SETD5: variants seen among roughly 807,000 people sequenced by gnomAD.
SETD5 encodes histone-lysine N-methyltransferase SETD5.
SETD5 carries 44 observed loss-of-function variants against 153.3 expected under a neutral mutation model. The ratio of observed to expected loss-of-function variants is 0.29; its 90% CI spans 0.23 to 0.37. SETD5 has a LOEUF of 0.37. Among genes scored for constraint, SETD5 ranks in the 10% least tolerant of loss-of-function variants. The pLI, the probability that SETD5 is intolerant of heterozygous loss-of-function variation, is 1.00. For missense variants in SETD5, 1,544 were observed against 1,768.0 expected, an observed-to-expected ratio of 0.87 and a Z score of 2.27; for synonymous variants, 716 against 645.2, an observed-to-expected ratio of 1.11 and a Z score of -1.66.
At chr3:9,455,864 C>T (rs2043174200) in intron 17 of SETD5, among the ~76,000 whole-genome samples, 1 of 152,124 alleles carries the variant, frequency 6.6e-6, no homozygotes, top group African/African-American at 2.4e-5. Flanking sequence ...TCCTAGTCAC[C>T]AGCCTTTTTT....
At chr3:9,416,836 A>G (rs1018544236) in intron 1 of SETD5, among the ~76,000 whole-genome samples, 2 of 152,194 alleles carry the variant, frequency 1.3e-5, no homozygotes, top group African/African-American at 4.8e-5. Flanking sequence ...GAGAGGTTAT[A>G]GATAAAATAA....
intron 20 of SETD5, 68 bp from the exon 21 acceptor site, chr3:9,474,381 A>G: frequency 1.3e-6 from 2 of 1,561,364 alleles, no homozygotes; most frequent in East Asian, 2.3e-5. Context: ...TACACTGTGC[A>G]CTGGTTAGGG....
At chr3:9,461,839 T>A (rs1042501379) in intron 17 of SETD5, among the ~76,000 whole-genome samples, 1 of 152,184 alleles carries the variant, frequency 6.6e-6, no homozygotes, top group Non-Finnish European at 1.5e-5. Flanking sequence ...TCTGTAAGAT[T>A]CCATTGTTTA....
At chr3:9,468,925 TAAAG>T (rs375863658) in intron 18 of SETD5, among the ~76,000 whole-genome samples, 50 of 152,266 alleles carry the variant, frequency 3.3e-4, no homozygotes, top group African/African-American at 1.1e-3. Flanking sequence ...GGAGCCTTGT[TAAAG>T]AAAGGCTAAT....
chr3:9,447,264 C>G lies in SETD5; in HGVS notation c.1739C>G (p.Pro580Arg). Reference protein sequence around the residue: ...SVSNVTIPSTPQSVGVNTRRS... With the variant: ...SVSNVTIPSTRQSVGVNTRRS... ...TCAAATGTTACCATCCCAAGCACCC[C>G]ACAGAGTGTTGGTGTGAATACCCGG... The change falls in exon 14 of 23, where the codon CCA (proline) becomes CGA (arginine). Residue 580 changes from proline to arginine, a missense_variant. Coordinates refer to ENST00000402198, the MANE Select transcript of SETD5 (RefSeq NM_001080517.3). 1 of 1,614,050 alleles carries G rather than the reference C, an allele frequency of 6.2e-7. No individual in the cohort carries two copies. The highest frequency in any genetic ancestry group is 8.5e-7 in the Non-Finnish European group (1 of 1,179,894).
chr3:9,433,415 G>T, intron 3 of SETD5: 1 of 1,289,900 alleles, frequency 7.8e-7, no homozygotes, highest in Non-Finnish European at 1.0e-6. Context: ...GGTCCCTGGG[G>T]CAGTGCAGAA....
intron 1 of SETD5, among the ~76,000 whole-genome samples, chr3:9,419,148 C>G (rs577054322): frequency 8.7e-4 from 132 of 152,268 alleles, no homozygotes; most frequent in Admixed American, 3.1e-3. Context: ...TTTTTCTCCC[C>G]CTTCATGGTT....
intron 17 of SETD5, among the ~76,000 whole-genome samples, chr3:9,461,758 T>G (rs1284853488): frequency 2.0e-5 from 3 of 152,226 alleles, no homozygotes; most frequent in Non-Finnish European, 4.4e-5. Flanking sequence ...ATAACTCCTT[T>G]CTACAACTAA....
At chr3:9,421,625 A>G (rs1214666600) in intron 1 of SETD5, among the ~76,000 whole-genome samples, 2 of 152,344 alleles carry the variant, frequency 1.3e-5, no homozygotes, top group South Asian at 2.1e-4. Context: ...TCGAAGAACT[A>G]TAGATGTATT....
intron 18 of SETD5, among the ~76,000 whole-genome samples, chr3:9,466,224 C>T (rs201609011): frequency 6.9e-6 from 1 of 144,472 alleles, no homozygotes; most frequent in Non-Finnish European, 1.5e-5. Flanking sequence ...GGAGGCGGAG[C>T]TTGCAGTGAG....
chr3:9,433,515 T>C, intron 3 of SETD5: 1 of 1,293,874 alleles, frequency 7.7e-7, no homozygotes, highest in South Asian at 1.2e-5. Context: ...GTTCTGAGTC[T>C]AAACCAGCCC....
In SETD5 at chr3:9,445,962, G is replaced by GTTTTTT. The variant is rs1432231015; in HGVS notation, c.1524+224_1524+225insTTTTTT. 1.3e-3 allele frequency among the ~76,000 whole-genome samples: 162 copies of GTTTTTT among 120,206 alleles called. 6 individuals carry two copies. The highest frequency in any genetic ancestry group is 4.9e-3 in the African/African-American group (141 of 28,606). 78.9% of individuals were successfully genotyped at this position (120,206 alleles called of 152,430 possible). A position where few individuals can be genotyped will look rare whatever the true frequency, so the allele number is the denominator to read the frequency against. ...TATTATCTAGTGATGGTTTGAAGAG[G>GTTTTTT]TTGTTTTTTTTTTTTTTTTTTTTTT... On this transcript the variant is annotated intron_variant, in intron 13 of 22. Coordinates refer to ENST00000402198, the MANE Select transcript of SETD5 (RefSeq NM_001080517.3).
At position 9,440,452 on chromosome 3, in the gene SETD5, A is replaced by G. The variant is rs2041140703; in HGVS notation, c.568-4A>G. ...ACTAACCTCCCTGAATTTGTTTTCT[A>G]CAGAATTCTCCCTCTGAAGCACAGA... On this transcript the variant is annotated splice_region_variant and splice_polypyrimidine_tract_variant and intron_variant, in intron 7 of 22. Transcript: ENST00000402198. The G allele has an allele frequency of 2.7e-6, 4 of 1,486,100 alleles. No homozygotes were observed. Among genetic ancestry groups the G allele is most frequent in the African/African-American group, 1.4e-5 (1 of 72,298 alleles). 92.1% of individuals were successfully genotyped at this position (1,486,100 alleles called of 1,614,324 possible).
chr3:9,459,049 G>C (rs557396110), intron 17 of SETD5, among the ~76,000 whole-genome samples: 131 of 152,010 alleles, frequency 8.6e-4, no homozygotes, highest in Non-Finnish European at 1.5e-3. Flanking sequence ...ACAAACTCTT[G>C]GAAAATATTT....
Position 9,445,965 on chromosome 3 carries a change from G to GTTTTTTTTTTTT in SETD5, c.1524+237_1524+248dup, listed in dbSNP as rs376821559. On this transcript the variant is annotated intron_variant, in intron 13 of 22. Coordinates refer to ENST00000402198, the MANE Select transcript of SETD5 (RefSeq NM_001080517.3). ...TATCTAGTGATGGTTTGAAGAGGTT[G>GTTTTTTTTTTTT]TTTTTTTTTTTTTTTTTTTTTTTAC... Among the ~76,000 whole-genome samples, 27 of 86,460 alleles carry GTTTTTTTTTTTT rather than the reference G, an allele frequency of 3.1e-4. 1 individual carries two copies. The highest frequency in any genetic ancestry group is 1.3e-3 in the African/African-American group (27 of 21,378). The allele number at this position is 86,460 out of a possible 152,430, so 56.7% of individuals were successfully genotyped here. A position where few individuals can be genotyped will look rare whatever the true frequency, so the allele number is the denominator to read the frequency against.
chr3:9,403,490 C>T (rs1013886006), intron 1 of SETD5, among the ~76,000 whole-genome samples: 7 of 152,174 alleles, frequency 4.6e-5, no homozygotes, highest in African/African-American at 1.7e-4. Flanking sequence ...GAAATAGTTG[C>T]TCGTAGTTGT....
intron 3 of SETD5, chr3:9,429,751 T>C: frequency 9.9e-7 from 1 of 1,008,492 alleles, no homozygotes; most frequent in East Asian, 6.9e-5. Context: ...TTTTAAGTTG[T>C]CCGAGATTCC....
Position 9,447,963 on chromosome 3 carries a change from C to T in SETD5, c.2060C>T (p.Ser687Phe). 1.2e-6 allele frequency: 2 copies of T among 1,613,822 alleles called. No homozygotes were observed. The highest frequency in any genetic ancestry group is 1.3e-5 in the African/African-American group (1 of 75,024). Reference sequence around the variant, plus strand: ...CCAACTGTGGTGTCAATTACTGGATCCCATGTCAACCGTGCTGCATCTAAA... The same window carrying T: ...CCAACTGTGGTGTCAATTACTGGATTCCATGTCAACCGTGCTGCATCTAAA... ...SDPTVVSITG[S>F]HVNRAASKYP... The change falls in exon 15 of 23, where the codon TCC becomes TTC. Residue 687 changes from serine (S) to phenylalanine (F), a missense_variant. By Grantham distance (155) the Ser-to-Phe change is radical. Around this residue, in one of 9 missense-constraint regions of SETD5, gnomAD observed 782 missense variants for 787.2 expected, o/e 0.99. Transcript: ENST00000402198.
chr3:9,472,081 T>C (rs1432078338), intron 19 of SETD5, among the ~76,000 whole-genome samples: 2 of 152,342 alleles, frequency 1.3e-5, no homozygotes, highest in East Asian at 3.9e-4. Flanking sequence ...GATTGTTGCG[T>C]GAACAGCATT....
Sources: allele counts gnomAD v4.1 joint callset (sites outside exome capture counted in the v4.1 genomes callset), GRCh38; gene constraint gnomAD v4.1.1; regional missense constraint gnomAD v4.1.1; transcripts MANE v1.5; gene names NCBI Gene and HGNC (gene_info 2026-07-23, HGNC 2026-07-21).